Variants in SOX5 observed in about 807,000 individuals in gnomAD.
SOX5 encodes the protein transcription factor SOX-5.
In SOX5, 9 loss-of-function variants were observed where a neutral mutation model predicts 92.0. The observed-to-expected ratio is 0.10, with a 90% CI of 0.06 to 0.17. The LOEUF is 0.17. Ranked by LOEUF, SOX5 falls within the 10% of genes least tolerant of loss-of-function variation. The pLI is 1.00. For missense variants in SOX5, 642 were observed against 944.5 expected, an observed-to-expected ratio of 0.68 and a Z score of 4.20; for synonymous variants, 344 against 336.3, an observed-to-expected ratio of 1.02 and a Z score of -0.25.
At chr12:24,157,616 A>ATT (rs1294688136) in intron 4 of SOX5, among the ~76,000 whole-genome samples, 11 of 152,104 alleles carry the variant, frequency 7.2e-5, no homozygotes, top group Non-Finnish European at 1.6e-4. Flanking sequence ...GGGTCAATGT[A>ATT]CTCTGAATTT....
chr12:24,318,096 C>T (rs529532559), intron 2 of SOX5, among the ~76,000 whole-genome samples: 6 of 152,222 alleles, frequency 3.9e-5, no homozygotes, highest in Middle Eastern at 6.8e-3. Context: ...GTAATCCCAG[C>T]TACTCAGGAG....
At chr12:24,279,915 G>T (rs1170143999) in intron 2 of SOX5, among the ~76,000 whole-genome samples, 1 of 152,094 alleles carries the variant, frequency 6.6e-6, no homozygotes. Context: ...CAAGGTTCTT[G>T]TCTCAACTTC....
chr12:23,583,039 T>C (rs191831519), intron 9 of SOX5, among the ~76,000 whole-genome samples: 21 of 152,190 alleles, frequency 1.4e-4, no homozygotes, highest in Non-Finnish European at 2.4e-4. Context: ...ACACATATAT[T>C]TGAAAACAAA....
chr12:24,296,754 C>T (rs1947292476), intron 2 of SOX5, among the ~76,000 whole-genome samples: 1 of 148,382 alleles, frequency 6.7e-6, no homozygotes, highest in Admixed American at 6.8e-5. Flanking sequence ...CTTGTCCTAA[C>T]TAAGGCATTA....
chr12:24,311,734 C>G (rs901208032), intron 2 of SOX5, among the ~76,000 whole-genome samples: 1 of 152,272 alleles, frequency 6.6e-6, no homozygotes, highest in Admixed American at 6.5e-5. Context: ...TATTTAAAAG[C>G]TGAAAAGGTT....
rs763667793 is a variant in SOX5, at chr12:24,145,157, C to T, written c.-2+68186G>A. Among the ~76,000 whole-genome samples, 7 of 151,866 alleles carry T rather than the reference C, an allele frequency of 4.6e-5. No homozygotes were observed. In the East Asian group the frequency reaches 5.8e-4, roughly 13 times the overall value. On this transcript the variant is annotated intron_variant, in intron 4 of 4. Coordinates refer to the SOX5 transcript ENST00000446891. The stretch of plus-strand genomic sequence containing the variant: ...GGAATATGATAATCTGAAGATGTAT[C>T]GACTATAAATCCTAAAGCAATGCTA...
intron 3 of SOX5, among the ~76,000 whole-genome samples, chr12:23,825,469 C>A (rs1709024241): frequency 6.6e-6 from 1 of 152,230 alleles, no homozygotes; most frequent in Non-Finnish European, 1.5e-5. Flanking sequence ...AAATCACCCA[C>A]CTTCTGCGTT....
intron 3 of SOX5, among the ~76,000 whole-genome samples, chr12:23,773,665 C>A (rs1316718535): frequency 3.3e-5 from 5 of 152,048 alleles, no homozygotes; most frequent in African/African-American, 1.2e-4. Context: ...AGCCACTGTG[C>A]CTGGCCTACC....
At chr12:23,852,815 C>A (rs1595059026) in intron 2 of SOX5, among the ~76,000 whole-genome samples, 1 of 151,996 alleles carries the variant, frequency 6.6e-6, no homozygotes, top group Admixed American at 6.6e-5. Context: ...CAGGCCTCAC[C>A]CCAGACTTCC....
At chr12:23,700,210 T>C (rs2090439595) in intron 6 of SOX5, among the ~76,000 whole-genome samples, 1 of 152,056 alleles carries the variant, frequency 6.6e-6, no homozygotes, top group Non-Finnish European at 1.5e-5. Flanking sequence ...TTTTTTTTCT[T>C]CTGTTTTTTA....
At chr12:23,901,539 GT>G (rs1356768376) in intron 1 of SOX5, among the ~76,000 whole-genome samples, 1 of 152,124 alleles carries the variant, frequency 6.6e-6, no homozygotes, top group Admixed American at 6.5e-5. Flanking sequence ...TCTTCATTTA[GT>G]TTTCTGCTCA....
At chr12:24,038,464 A>G (rs1351834373) in intron 4 of SOX5, among the ~76,000 whole-genome samples, 2 of 152,156 alleles carry the variant, frequency 1.3e-5, no homozygotes, top group African/African-American at 4.8e-5. Flanking sequence ...TGTCAGTTCC[A>G]AAAATCCTAA....
chr12:24,472,236 G>A (rs1944893732), intron 1 of SOX5, among the ~76,000 whole-genome samples: 1 of 152,150 alleles, frequency 6.6e-6, no homozygotes, highest in Non-Finnish European at 1.5e-5. Context: ...GTTCTCACTG[G>A]GATTGACAGC....
intron 1 of SOX5, among the ~76,000 whole-genome samples, chr12:23,937,823 T>C (rs990498568): frequency 8.6e-5 from 13 of 150,960 alleles, no homozygotes; most frequent in Non-Finnish European, 1.2e-4. Context: ...TGGTTATACA[T>C]GCATTCAAAA....
At chr12:23,798,772 A>G (rs2095609999) in intron 3 of SOX5, among the ~76,000 whole-genome samples, 3 of 151,970 alleles carry the variant, frequency 2.0e-5, no homozygotes, top group African/African-American at 4.8e-5. Context: ...TAAATTTGAG[A>G]TTACTAAAGT....
At chr12:23,823,932 A>C (rs2096177631) in intron 3 of SOX5, among the ~76,000 whole-genome samples, 1 of 152,158 alleles carries the variant, frequency 6.6e-6, no homozygotes, top group African/African-American at 2.4e-5. Context: ...CGTATGCTTC[A>C]CGAAGTTCTT....
chr12:24,439,469 C>T (rs751356515), intron 1 of SOX5, among the ~76,000 whole-genome samples: 1 of 152,166 alleles, frequency 6.6e-6, no homozygotes, highest in Non-Finnish European at 1.5e-5. Context: ...TCTTCCTTTC[C>T]CAGTCTTCCC....
At chr12:24,547,864 G>A (rs1218427623) in intron 1 of SOX5, among the ~76,000 whole-genome samples, 1 of 152,166 alleles carries the variant, frequency 6.6e-6, no homozygotes, top group Non-Finnish European at 1.5e-5. Context: ...TATTTATACA[G>A]TGTTCGTATC....
chr12:24,149,356 A>G (rs911479421), intron 4 of SOX5, among the ~76,000 whole-genome samples: 2 of 152,222 alleles, frequency 1.3e-5, no homozygotes, highest in African/African-American at 4.8e-5. Flanking sequence ...AAACTCAATA[A>G]TAAAAAAAGA....
Sources: gnomAD v4.1 joint callset for allele counts (sites outside exome capture counted in the v4.1 genomes callset) on GRCh38, gnomAD v4.1.1 for gene constraint, MANE v1.5 for transcripts, NCBI Gene and HGNC (gene_info 2026-07-23, HGNC 2026-07-21) for gene names.